ADGRB3: variants seen among roughly 807,000 people sequenced by gnomAD.
ADGRB3 encodes brain-specific angiogenesis inhibitor 3.
In ADGRB3, 37 loss-of-function variants were observed where a neutral mutation model predicts 193.4. The observed-to-expected ratio is 0.19, with a 90% CI of 0.15 to 0.25. The LOEUF (loss-of-function observed/expected upper bound fraction) is 0.25, where lower values mean the gene tolerates loss of function less well. ADGRB3 is among the 10% of genes least tolerant of loss of function. The pLI, the probability that ADGRB3 is intolerant of heterozygous loss-of-function variation, is 1.00. For synonymous variants in ADGRB3, 690 were observed against 644.2 expected, an observed-to-expected ratio of 1.07 and a Z score of -1.08; for missense variants, 1,637 against 1,852.9, an observed-to-expected ratio of 0.88 and a Z score of 2.14.
chr6:69,079,164 A>G (rs11962803), intron 17 of ADGRB3, among the ~76,000 whole-genome samples: 2,397 of 152,184 alleles, frequency 0.016, 68 homozygotes, highest in African/African-American at 0.054. Flanking sequence ...ATTTTATTTT[A>G]CTATCATTAG....
In ADGRB3 at chr6:68,704,888, C is replaced by G. The variant is rs183566814; in HGVS notation, c.757+65456C>G. On this transcript the variant is annotated intron_variant, in intron 3 of 31. Coordinates refer to ENST00000370598, the MANE Select transcript of ADGRB3 (RefSeq NM_001704.3). ...TCTGGTTAGTAATTTAGCTATATCACAAACAATATTTTTAATTACGCTTTA... is the reference window on the plus strand; with the variant it reads ...TCTGGTTAGTAATTTAGCTATATCAGAAACAATATTTTTAATTACGCTTTA... 8.8e-3 allele frequency among the ~76,000 whole-genome samples: 1,334 copies of G among 152,244 alleles called. 11 individuals are homozygous for G. The highest frequency in any genetic ancestry group is 0.014 in the Non-Finnish European group (975 of 68,010).
intron 3 of ADGRB3, among the ~76,000 whole-genome samples, chr6:68,747,697 T>G (rs1185492721): frequency 6.6e-6 from 1 of 152,150 alleles, no homozygotes; most frequent in African/African-American, 2.4e-5. Flanking sequence ...CTTTGAATAG[T>G]TTATAGGAGA....
At chr6:69,019,915 T>C (rs1402087392) in intron 13 of ADGRB3, among the ~76,000 whole-genome samples, 1 of 151,902 alleles carries the variant, frequency 6.6e-6, no homozygotes. Context: ...GCTGGGCAGA[T>C]AAAGGAAAGA....
intron 3 of ADGRB3, among the ~76,000 whole-genome samples, chr6:68,718,253 A>G (rs1002674673): frequency 6.6e-6 from 1 of 151,728 alleles, no homozygotes; most frequent in Non-Finnish European, 1.5e-5. Flanking sequence ...TTTGCTCAAA[A>G]TGGAGACTTT....
chr6:68,829,870 C>G (rs1375613281), intron 3 of ADGRB3, among the ~76,000 whole-genome samples: 3 of 151,784 alleles, frequency 2.0e-5, no homozygotes, highest in Non-Finnish European at 4.4e-5. Context: ...ATGGAATTTA[C>G]TATTATTAGA....
chr6:68,915,512 C>T (rs998666066), intron 3 of ADGRB3, among the ~76,000 whole-genome samples: 2 of 152,198 alleles, frequency 1.3e-5, no homozygotes, highest in Middle Eastern at 3.4e-3. Flanking sequence ...ATTAAGGGTA[C>T]GCTGGATGAT....
chr6:69,265,203 A>G (rs1767013190), intron 20 of ADGRB3, among the ~76,000 whole-genome samples: 1 of 151,990 alleles, frequency 6.6e-6, no homozygotes, highest in African/African-American at 2.4e-5. Context: ...TTGGAGGGTG[A>G]GTTCAGGGAA....
intron 20 of ADGRB3, among the ~76,000 whole-genome samples, chr6:69,293,930 T>C (rs16900620): frequency 0.14 from 20,673 of 151,726 alleles, 1,772 homozygotes; most frequent in African/African-American, 0.23. Context: ...TTTTAAAACG[T>C]GGAGCCCAGA....
intron 20 of ADGRB3, among the ~76,000 whole-genome samples, chr6:69,304,457 T>C (rs1561982299): frequency 6.6e-6 from 1 of 151,646 alleles, no homozygotes; most frequent in South Asian, 2.1e-4. Flanking sequence ...AGTAAGAATA[T>C]AGTAAAATTA....
chr6:69,183,218 G>C, intron 17 of ADGRB3, among the ~76,000 whole-genome samples: 2 of 151,994 alleles, frequency 1.3e-5, no homozygotes, highest in East Asian at 3.9e-4. Flanking sequence ...ATTTTGAATT[G>C]TCATATTATA....
At chr6:69,111,069 A>G (rs1773353636) in intron 17 of ADGRB3, among the ~76,000 whole-genome samples, 1 of 152,242 alleles carries the variant, frequency 6.6e-6, no homozygotes, top group African/African-American at 2.4e-5. Context: ...CAAATAGGTT[A>G]TTCCTCACAC....
intron 17 of ADGRB3, among the ~76,000 whole-genome samples, chr6:69,171,307 AGAAGAAAAT>A (rs1775265086): frequency 1.3e-5 from 2 of 152,204 alleles, no homozygotes; most frequent in African/African-American, 4.8e-5. Flanking sequence ...GAACAAGAAA[AGAAGAAAAT>A]GAAGAAAATT....
rs377756959 is a variant in ADGRB3, at chr6:69,004,539, T to A, written c.1930-9499T>A. On this transcript the variant is annotated intron_variant, in intron 11 of 31. Coordinates refer to ENST00000370598, the MANE Select transcript of ADGRB3 (RefSeq NM_001704.3). ...TTAACTAGTCATTTACATTAGGTGTTTCTCCTAATGCTATCCCTCCCCCCT... is the reference window on the plus strand; with the variant it reads ...TTAACTAGTCATTTACATTAGGTGTATCTCCTAATGCTATCCCTCCCCCCT... Among the ~76,000 whole-genome samples the A allele has an allele frequency of 2.3e-4, 35 of 151,376 alleles. No individual in the cohort carries two copies. In the East Asian group the frequency reaches 3.1e-3, roughly 14 times the overall value.
chr6:69,114,934 GT>G (rs1260569312), intron 17 of ADGRB3, among the ~76,000 whole-genome samples: 4 of 152,162 alleles, frequency 2.6e-5, no homozygotes, highest in African/African-American at 9.7e-5. Flanking sequence ...TCATTAAAAA[GT>G]CAAGAAACAA....
chr6:69,014,367 A>G (rs375843388), intron 12 of ADGRB3, among the ~76,000 whole-genome samples: 2 of 151,976 alleles, frequency 1.3e-5, no homozygotes, highest in East Asian at 1.9e-4. Context: ...TACCTAACCA[A>G]TAAGTTCCTT....
At chr6:68,707,964 A>G (rs553830830) in intron 3 of ADGRB3, among the ~76,000 whole-genome samples, 1 of 152,190 alleles carries the variant, frequency 6.6e-6, no homozygotes, top group Non-Finnish European at 1.5e-5. Flanking sequence ...GCAGAGACAC[A>G]AGAAAGTAAA....
intron 17 of ADGRB3, chr6:69,232,308 T>G: frequency 1.1e-6 from 1 of 884,372 alleles, no homozygotes; most frequent in South Asian, 2.7e-5. Flanking sequence ...GTAGTGTAGT[T>G]CTGCTGGGGG....
intron 3 of ADGRB3, among the ~76,000 whole-genome samples, chr6:68,729,635 T>C (rs1765734587): frequency 6.6e-6 from 1 of 151,566 alleles, no homozygotes; most frequent in Non-Finnish European, 1.5e-5. Flanking sequence ...CCCAAGAATC[T>C]CTTTCCCAGG....
At chr6:68,730,775 TG>T (rs1290001353) in intron 3 of ADGRB3, among the ~76,000 whole-genome samples, 1 of 151,694 alleles carries the variant, frequency 6.6e-6, no homozygotes, top group East Asian at 1.9e-4. Flanking sequence ...ATGGTTTAAA[TG>T]AGACTTTTAA....
Sources: gnomAD v4.1 joint callset for allele counts (sites outside exome capture counted in the v4.1 genomes callset) on GRCh38, gnomAD v4.1.1 for gene constraint, MANE v1.5 for transcripts, NCBI Gene and HGNC (gene_info 2026-07-23, HGNC 2026-07-21) for gene names.